Variants in GPHN observed in about 807,000 individuals in gnomAD.
The protein encoded by GPHN is gephyrin.
A neutral mutation model predicts 95.5 loss-of-function variants in GPHN; 17 were observed. That is an observed-to-expected ratio of 0.18 (90% CI 0.12 to 0.27). The LOEUF (loss-of-function observed/expected upper bound fraction) is 0.27, where lower values mean the gene tolerates loss of function less well. Ranked by LOEUF, GPHN falls within the 10% of genes least tolerant of loss-of-function variation. The pLI is 1.00. For missense variants in GPHN, 660 were observed against 978.1 expected (o/e 0.67, Z 4.34); for synonymous variants, 320 against 322.5 (o/e 0.99, Z 0.08).
the GPHN span, among the ~76,000 whole-genome samples, chr14:67,346,065 C>T: frequency 2.6e-5 from 4 of 152,206 alleles, no homozygotes; most frequent in Non-Finnish European, 5.9e-5. Flanking sequence ...CAGTTTCCCA[C>T]AAGAATACTA....
chr14:66,525,471 T>C (rs2058654350), intron 1 of GPHN, among the ~76,000 whole-genome samples: 1 of 152,232 alleles, frequency 6.6e-6, no homozygotes, highest in South Asian at 2.1e-4. Context: ...TAGTTTCTTT[T>C]GCTGTGCAGA....
At chr14:66,711,821 A>G (rs1160045768) in intron 2 of GPHN, among the ~76,000 whole-genome samples, 3 of 150,204 alleles carry the variant, frequency 2.0e-5, no homozygotes, top group East Asian at 2.0e-4. Context: ...ATTCCCACCT[A>G]TCAGTGAGAA....
chr14:67,144,473 T>C (rs1035715156), intron 18 of GPHN, among the ~76,000 whole-genome samples: 1 of 151,596 alleles, frequency 6.6e-6, no homozygotes, highest in Non-Finnish European at 1.5e-5. Context: ...TATTGTTTAC[T>C]AAATAACCAA....
At chr14:67,155,312 T>G (rs553492407) in intron 18 of GPHN, among the ~76,000 whole-genome samples, 1 of 152,210 alleles carries the variant, frequency 6.6e-6, no homozygotes, top group Non-Finnish European at 1.5e-5. Flanking sequence ...GACCTCAAAT[T>G]CTTTTTGGAG....
the GPHN span, among the ~76,000 whole-genome samples, chr14:67,478,626 G>A: frequency 6.6e-6 from 1 of 152,216 alleles, no homozygotes; most frequent in Non-Finnish European, 1.5e-5. Flanking sequence ...CCTGGGGACG[G>A]CTGGCAAAGC....
chr14:67,632,852 G>A, the GPHN span, among the ~76,000 whole-genome samples: 2 of 108,690 alleles, frequency 1.8e-5, no homozygotes, highest in Admixed American at 1.5e-4. Flanking sequence ...GCAGAGTCTC[G>A]CTCTATCGCT....
intron 1 of GPHN, among the ~76,000 whole-genome samples, chr14:66,615,943 G>A (rs904221492): frequency 1.6e-4 from 24 of 151,964 alleles, no homozygotes; most frequent in Non-Finnish European, 2.4e-4. Flanking sequence ...CATATGGCTA[G>A]CCTTTTTCCC....
the GPHN span, among the ~76,000 whole-genome samples, chr14:67,327,080 C>T: frequency 6.6e-6 from 1 of 152,072 alleles, no homozygotes; most frequent in Non-Finnish European, 1.5e-5. Context: ...GAGGCTGAGG[C>T]CGGAGAATCA....
chr14:66,797,636 G>A (rs918469610), intron 3 of GPHN, among the ~76,000 whole-genome samples: 1 of 151,864 alleles, frequency 6.6e-6, no homozygotes, highest in Non-Finnish European at 1.5e-5. Flanking sequence ...ATTGTTCACT[G>A]TTGGCAGATA....
At chr14:67,354,596 A>T in the GPHN span, among the ~76,000 whole-genome samples, 1 of 152,206 alleles carries the variant, frequency 6.6e-6, no homozygotes, top group South Asian at 2.1e-4. Flanking sequence ...CTATGATGGA[A>T]TGATATACAG....
At chr14:67,344,051 T>C in the GPHN span, among the ~76,000 whole-genome samples, 1 of 152,230 alleles carries the variant, frequency 6.6e-6, no homozygotes, top group Non-Finnish European at 1.5e-5. Flanking sequence ...ACTGCTGACA[T>C]ACTGATTAAT....
the GPHN span, chr14:67,454,455 G>A: frequency 6.6e-6 from 1 of 152,154 alleles, no homozygotes; most frequent in Non-Finnish European, 1.5e-5. Flanking sequence ...TCACCTTCGT[G>A]TCTCCTTCTT....
At chr14:67,701,185 G>A in the GPHN span, among the ~76,000 whole-genome samples, 3 of 151,896 alleles carry the variant, frequency 2.0e-5, no homozygotes, top group East Asian at 3.8e-4. Context: ...GCGAGGTATA[G>A]CACAAGTAGA....
chr14:67,222,446 C>T, the GPHN span, among the ~76,000 whole-genome samples: 2 of 152,182 alleles, frequency 1.3e-5, no homozygotes, highest in African/African-American at 4.8e-5. Context: ...CGTTTGCCAC[C>T]ACGCCTAACT....
At chr14:67,491,600 A>G in the GPHN span, among the ~76,000 whole-genome samples, 1 of 152,156 alleles carries the variant, frequency 6.6e-6, no homozygotes, top group Non-Finnish European at 1.5e-5. Flanking sequence ...GACCGAATAC[A>G]TTTCTTATTA....
At chr14:66,810,732 A>T (rs544452460) in intron 3 of GPHN, among the ~76,000 whole-genome samples, 92 of 152,250 alleles carry the variant, frequency 6.0e-4, no homozygotes, top group African/African-American at 2.1e-3. Flanking sequence ...TTAATTTTTT[A>T]GTTCTTGTTA....
chr14:67,342,478 G>A, the GPHN span, among the ~76,000 whole-genome samples: 35 of 150,290 alleles, frequency 2.3e-4, no homozygotes, highest in Middle Eastern at 3.6e-3. Flanking sequence ...TTGAGTTTAC[G>A]TCATTAGGCT....
chr14:67,368,430 CA>C, the GPHN span, among the ~76,000 whole-genome samples: 1 of 152,216 alleles, frequency 6.6e-6, no homozygotes, highest in Non-Finnish European at 1.5e-5. Flanking sequence ...AGTCTCTCCA[CA>C]AATGTCAGAG....
chr14:67,426,618 C>T, the GPHN span, among the ~76,000 whole-genome samples: 7 of 152,260 alleles, frequency 4.6e-5, no homozygotes, highest in African/African-American at 1.7e-4. Flanking sequence ...TCTTGTTGCC[C>T]AGGCTGGAGT....
Sources: allele counts gnomAD v4.1 joint callset (sites outside exome capture counted in the v4.1 genomes callset), GRCh38; gene constraint gnomAD v4.1.1; transcripts MANE v1.5; gene names NCBI Gene and HGNC (gene_info 2026-07-23, HGNC 2026-07-21).